Variants in KLF8 observed in about 807,000 individuals in gnomAD.
KLF8 encodes the protein KLF transcription factor 8.
Under a neutral mutation model 18.2 loss-of-function variants are expected in KLF8, and 10 were observed. The ratio of observed to expected loss-of-function variants is 0.55; its 90% CI spans 0.34 to 0.93. The LOEUF (loss-of-function observed/expected upper bound fraction) is 0.93. Among genes scored for constraint, KLF8 ranks in the 40% least tolerant of loss-of-function variants. KLF8 has a pLI of 0.02. For missense variants in KLF8, 264 were observed against 277.9 expected (o/e 0.95, Z 0.36); for synonymous variants, 109 against 97.3 (o/e 1.12, Z -0.71).
At chrX:56,267,032 C>T in intron 3 of KLF8, 1 of 753,233 alleles carries the variant, frequency 1.3e-6, no homozygotes, top group Non-Finnish European at 1.6e-6. Flanking sequence ...AGGAAACAAA[C>T]AAAAAAGGAA....
At chrX:56,120,166 C>T in the KLF8 span, among the ~76,000 whole-genome samples, 1 of 110,867 alleles carries the variant, frequency 9.0e-6, no homozygotes, top group Admixed American at 9.7e-5. Flanking sequence ...TACCTAAGCT[C>T]TTCCGATGTG....
At chrX:56,183,073 G>C in the KLF8 span, among the ~76,000 whole-genome samples, 1 of 112,336 alleles carries the variant, frequency 8.9e-6, no homozygotes, top group Non-Finnish European at 1.9e-5. Flanking sequence ...CAGAGCGGGA[G>C]TCTACAGAGG....
In KLF8 at chrX:56,265,069, A is replaced by G. The variant is rs980503658; in HGVS notation, c.82-111A>G. The G allele has an allele frequency of 5.4e-5, 51 of 937,032 alleles. 1 individual carries two copies. Among genetic ancestry groups the G allele is most frequent in the Non-Finnish European group, 7.0e-5 (49 of 704,783 alleles). The allele number at this position is 937,032 out of a possible 1,213,427, so 77.2% of individuals were successfully genotyped here. ...CTCCTGCCTTATTTCTCCCAGCACC[A>G]TGTATTCCTTCCATGTGAAATGAAT... On this transcript the variant is annotated intron_variant, in intron 2 of 5. Coordinates refer to ENST00000468660, the MANE Select transcript of KLF8 (RefSeq NM_007250.5).
chrX:56,008,654 C>T, the KLF8 span, among the ~76,000 whole-genome samples: 4 of 111,775 alleles, frequency 3.6e-5, no homozygotes, highest in Admixed American at 9.5e-5. Context: ...GGAGAGGTGA[C>T]GGCCATCACT....
chrX:56,060,858 C>T, the KLF8 span, among the ~76,000 whole-genome samples: 2 of 111,636 alleles, frequency 1.8e-5, no homozygotes, highest in African/African-American at 6.5e-5. Context: ...TTAATTACTG[C>T]CTCAATTTCA....
At chrX:56,177,969 G>A in the KLF8 span, among the ~76,000 whole-genome samples, 13 of 111,699 alleles carry the variant, frequency 1.2e-4, no homozygotes, top group East Asian at 2.3e-3. Context: ...ATTAGGGTGC[G>A]AGTGACCCTA....
chrX:56,269,657 G>A (rs985046745), intron 4 of KLF8, among the ~76,000 whole-genome samples, 168 bp downstream of exon 4: 7 of 112,212 alleles, frequency 6.2e-5, no homozygotes, highest in African/African-American at 2.3e-4. Flanking sequence ...ATGAGTTTGT[G>A]TGCACACATG....
the KLF8 span, among the ~76,000 whole-genome samples, chrX:56,161,288 G>A: frequency 9.0e-6 from 1 of 111,239 alleles, no homozygotes; most frequent in Admixed American, 9.6e-5. Context: ...TCCCTTTGTG[G>A]GTAACCCGAC....
chrX:55,964,401 C>G, the KLF8 span, among the ~76,000 whole-genome samples: 1 of 111,542 alleles, frequency 9.0e-6, no homozygotes, highest in Non-Finnish European at 1.9e-5. Context: ...CATGGTGAAA[C>G]TTCACCTGTA....
chrX:55,934,089 T>C, the KLF8 span, among the ~76,000 whole-genome samples: 5 of 112,060 alleles, frequency 4.5e-5, no homozygotes, highest in Non-Finnish European at 9.4e-5. Flanking sequence ...CATTTAGAAA[T>C]TGTATACAGT....
At chrX:55,941,628 A>G in the KLF8 span, among the ~76,000 whole-genome samples, 1 of 112,016 alleles carries the variant, frequency 8.9e-6, no homozygotes, top group Admixed American at 9.5e-5. Flanking sequence ...TCATCTGACA[A>G]AGGGCTAATA....
At chrX:56,156,450 A>G in the KLF8 span, among the ~76,000 whole-genome samples, 1 of 110,165 alleles carries the variant, frequency 9.1e-6, no homozygotes, top group African/African-American at 3.3e-5. Flanking sequence ...ACATGTTATC[A>G]TCATTTAGCT....
chrX:55,939,690 G>T, the KLF8 span, among the ~76,000 whole-genome samples: 1 of 110,906 alleles, frequency 9.0e-6, no homozygotes, highest in Non-Finnish European at 1.9e-5. Flanking sequence ...ATGATAAAGG[G>T]GATATCACCA....
chrX:56,208,597 C>G, the KLF8 span, among the ~76,000 whole-genome samples: 1 of 110,980 alleles, frequency 9.0e-6, no homozygotes, highest in Non-Finnish European at 1.9e-5. Flanking sequence ...TTCATGTGAG[C>G]ACTTATAGCT....
At chrX:55,971,081 T>C in the KLF8 span, among the ~76,000 whole-genome samples, 1 of 110,056 alleles carries the variant, frequency 9.1e-6, no homozygotes, top group Admixed American at 9.7e-5. Flanking sequence ...TTATATGGAG[T>C]CACAACAGAC....
chrX:56,170,539 G>A, the KLF8 span, among the ~76,000 whole-genome samples: 1 of 109,593 alleles, frequency 9.1e-6, no homozygotes, highest in African/African-American at 3.3e-5. Flanking sequence ...AAAACATGAA[G>A]CCTAGTGAGA....
the KLF8 span, among the ~76,000 whole-genome samples, chrX:56,096,506 A>G: frequency 8.9e-6 from 1 of 111,850 alleles, no homozygotes; most frequent in Non-Finnish European, 1.9e-5. Flanking sequence ...AAATGAAAAT[A>G]CAAATTATCA....
chrX:56,198,001 C>T, the KLF8 span, among the ~76,000 whole-genome samples: 1 of 112,003 alleles, frequency 8.9e-6, no homozygotes, highest in East Asian at 2.8e-4. Context: ...ATGATTATCT[C>T]AATAGATGCA....
chrX:56,268,579 A>G (rs895157330), intron 3 of KLF8: 22 of 260,515 alleles, frequency 8.4e-5, no homozygotes, highest in Non-Finnish European at 9.5e-5. Context: ...ATACATGTAT[A>G]TCACATACAT....
Sources: allele counts gnomAD v4.1 joint callset (sites outside exome capture counted in the v4.1 genomes callset), GRCh38; gene constraint gnomAD v4.1.1; transcripts MANE v1.5; gene names NCBI Gene and HGNC (gene_info 2026-07-23, HGNC 2026-07-21).